Variants in PCDH15 observed in about 807,000 individuals in gnomAD.
PCDH15 encodes the protein protocadherin-15.
PCDH15 carries 129 observed loss-of-function variants against 178.5 expected under a neutral mutation model. The observed-to-expected ratio is 0.72, with a 90% CI of 0.63 to 0.84. The LOEUF (loss-of-function observed/expected upper bound fraction) is 0.84, where lower values mean the gene tolerates loss of function less well. Among genes scored for constraint, PCDH15 ranks in the 40% least tolerant of loss-of-function variants. PCDH15 has a pLI of 0.00. For synonymous variants in PCDH15, 800 were observed against 732.0 expected (o/e 1.09, Z -1.50); for missense variants, 2,230 against 2,099.9 (o/e 1.06, Z -1.21).
At chr10:53,830,682 G>A (rs1432532459) in intron 30 of PCDH15, among the ~76,000 whole-genome samples, 1 of 152,128 alleles carries the variant, frequency 6.6e-6, no homozygotes, top group Non-Finnish European at 1.5e-5. Context: ...TTTAAAATAT[G>A]GATATTGTCA....
intron 5 of PCDH15, among the ~76,000 whole-genome samples, chr10:54,359,925 A>G (rs907642652): frequency 6.6e-6 from 1 of 152,130 alleles, no homozygotes; most frequent in African/African-American, 2.4e-5. Flanking sequence ...AAACAAGCAT[A>G]ATAATATTTA....
intron 15 of PCDH15, among the ~76,000 whole-genome samples, chr10:54,094,540 G>A (rs2094663082): frequency 1.3e-5 from 2 of 152,114 alleles, no homozygotes; most frequent in Non-Finnish European, 2.9e-5. Flanking sequence ...TGAGTTTCAA[G>A]AACAACAACG....
intron 28 of PCDH15, among the ~76,000 whole-genome samples, chr10:53,855,287 G>A (rs866664138): frequency 3.9e-5 from 6 of 151,920 alleles, no homozygotes; most frequent in Admixed American, 1.3e-4. Context: ...TTACATAATA[G>A]ACAACGGAAT....
intron 12 of PCDH15, among the ~76,000 whole-genome samples, chr10:54,184,902 A>G (rs943947899): frequency 6.6e-6 from 1 of 151,808 alleles, no homozygotes. Context: ...TTTTTTTTGA[A>G]AAGTTTTTTC....
chr10:54,260,869 G>A (rs891500689), intron 8 of PCDH15, among the ~76,000 whole-genome samples: 10 of 152,180 alleles, frequency 6.6e-5, no homozygotes, highest in Non-Finnish European at 1.0e-4. Flanking sequence ...CTGACCTCAG[G>A]TGATATGCCC....
chr10:54,714,164 T>G (rs1424817320), intron 1 of PCDH15, among the ~76,000 whole-genome samples: 1 of 152,136 alleles, frequency 6.6e-6, no homozygotes, highest in African/African-American at 2.4e-5. Context: ...CAGACTAAAG[T>G]GGGACACTGA....
At chr10:55,239,530 AC>A in intron 1 of PCDH15, among the ~76,000 whole-genome samples, 1 of 152,300 alleles carries the variant, frequency 6.6e-6, no homozygotes, top group East Asian at 1.9e-4. Flanking sequence ...CTTGCCATAT[AC>A]AAAAATCATA....
chr10:53,982,718 C>T (rs1383787395), intron 21 of PCDH15, among the ~76,000 whole-genome samples: 1 of 150,416 alleles, frequency 6.6e-6, no homozygotes, highest in African/African-American at 2.5e-5. Flanking sequence ...ATACCTAATG[C>T]TAAATGACGA....
At chr10:54,149,808 A>C (rs145535638) in intron 14 of PCDH15, among the ~76,000 whole-genome samples, 69 of 152,242 alleles carry the variant, frequency 4.5e-4, no homozygotes, top group African/African-American at 1.6e-3. Flanking sequence ...AGTTTTCAAC[A>C]CTCTAGACTA....
intron 2 of PCDH15, among the ~76,000 whole-genome samples, chr10:54,970,008 T>C (rs1340122813): frequency 6.6e-6 from 1 of 152,178 alleles, no homozygotes; most frequent in Non-Finnish European, 1.5e-5. Context: ...CATGCTGAAA[T>C]GTAATCTCCA....
intron 2 of PCDH15, among the ~76,000 whole-genome samples, chr10:54,961,461 A>G (rs1838652832): frequency 6.6e-6 from 1 of 152,218 alleles, no homozygotes; most frequent in Non-Finnish European, 1.5e-5. Flanking sequence ...CCCACCTTCA[A>G]GCCAGGAATG....
chr10:55,416,034 A>G (rs1226202640), intron 2 of PCDH15, among the ~76,000 whole-genome samples: 1 of 131,544 alleles, frequency 7.6e-6, no homozygotes, highest in African/African-American at 3.0e-5. Flanking sequence ...TTTTAAGGCA[A>G]AAAAACAAAC....
At chr10:55,280,372 G>A (rs571637137) in intron 1 of PCDH15, among the ~76,000 whole-genome samples, 21 of 140,200 alleles carry the variant, frequency 1.5e-4, no homozygotes, top group Non-Finnish European at 2.4e-4. Context: ...TCCGCCTCCC[G>A]GGTTCAAGGG....
At chr10:54,812,890 T>C (rs1173862204) in intron 3 of PCDH15, among the ~76,000 whole-genome samples, 2 of 152,132 alleles carry the variant, frequency 1.3e-5, no homozygotes, top group African/African-American at 4.8e-5. Context: ...TAGCAAACTC[T>C]TAGATATCAA....
At chr10:54,535,996 T>C (rs1294726006) in intron 2 of PCDH15, among the ~76,000 whole-genome samples, 1 of 152,184 alleles carries the variant, frequency 6.6e-6, no homozygotes, top group Non-Finnish European at 1.5e-5. Flanking sequence ...GGGTTACAAC[T>C]CTTCTTTTCT....
chr10:54,950,167 T>G (rs1054592241), intron 2 of PCDH15, among the ~76,000 whole-genome samples: 2 of 152,044 alleles, frequency 1.3e-5, no homozygotes, highest in African/African-American at 4.8e-5. Context: ...GAAAAGAGGT[T>G]GAATTGACTC....
At chr10:54,565,076 C>T (rs1473754553) in intron 2 of PCDH15, among the ~76,000 whole-genome samples, 2 of 152,060 alleles carry the variant, frequency 1.3e-5, no homozygotes, top group Non-Finnish European at 2.9e-5. Flanking sequence ...GAACCCAAAC[C>T]ATTATAAGCA....
chr10:55,132,230 T>C (rs1482239850), intron 2 of PCDH15, among the ~76,000 whole-genome samples: 1 of 152,184 alleles, frequency 6.6e-6, no homozygotes, highest in Non-Finnish European at 1.5e-5. Flanking sequence ...CTTATACTTA[T>C]TTGTTTGCAA....
chr10:55,539,306 AATT>A (rs1273825852), intron 2 of PCDH15, among the ~76,000 whole-genome samples: 5 of 152,050 alleles, frequency 3.3e-5, no homozygotes, highest in African/African-American at 1.2e-4. Context: ...AAATGAAAAT[AATT>A]ATGGTATTTA....
Sources: allele counts gnomAD v4.1 joint callset (sites outside exome capture counted in the v4.1 genomes callset), GRCh38; gene constraint gnomAD v4.1.1; transcripts MANE v1.5; gene names NCBI Gene and HGNC (gene_info 2026-07-23, HGNC 2026-07-21).